KDM6A: variants seen among roughly 807,000 people sequenced by gnomAD.
KDM6A encodes lysine-specific demethylase 6A.
A neutral mutation model predicts 117.6 loss-of-function variants in KDM6A; 11 were observed. The observed-to-expected ratio is 0.09, with a 90% CI of 0.06 to 0.15. KDM6A has a LOEUF of 0.15. Ranked by LOEUF, KDM6A falls within the 10% of genes least tolerant of loss-of-function variation. KDM6A has a pLI of 1.00. For missense variants in KDM6A, 799 were observed against 1,077.3 expected (o/e 0.74, Z 3.62); for synonymous variants, 384 against 396.1 (o/e 0.97, Z 0.36).
chrX:45,036,558 T>C (rs938911875), intron 7 of KDM6A, among the ~76,000 whole-genome samples: 5 of 112,226 alleles, frequency 4.5e-5, no homozygotes, highest in Non-Finnish European at 9.4e-5. Context: ...GTTTCTAATA[T>C]AAGGTTAGAT....
intron 4 of KDM6A, among the ~76,000 whole-genome samples, chrX:45,003,390 CCTT>C (rs1474059492): frequency 7.6e-4 from 66 of 86,725 alleles, no homozygotes; most frequent in African/African-American, 3.2e-3. Context: ...GTTGAATTAT[CCTT>C]CTTTTTTTTT....
At chrX:45,051,933 G>A (rs2043873475) in intron 9 of KDM6A, 131 bp downstream of exon 9, 3 of 442,226 alleles carry the variant, frequency 6.8e-6, no homozygotes, top group Non-Finnish European at 1.2e-5. Flanking sequence ...TCTGAACCCA[G>A]CATATTTGTA....
intron 8 of KDM6A, among the ~76,000 whole-genome samples, chrX:45,041,617 C>T (rs769613571): frequency 3.0e-3 from 336 of 110,918 alleles, no homozygotes; most frequent in African/African-American, 0.011. Context: ...CCAGACAGGG[C>T]GGCGGGGCAG....
chrX:44,989,225 T>C (rs1429504827), intron 4 of KDM6A, among the ~76,000 whole-genome samples: 3 of 99,599 alleles, frequency 3.0e-5, no homozygotes, highest in African/African-American at 1.1e-4. Flanking sequence ...TATAATCTGG[T>C]ATGCCGTTTG....
chrX:45,042,999 A>G (rs2043346662), intron 8 of KDM6A, among the ~76,000 whole-genome samples: 1 of 112,859 alleles, frequency 8.9e-6, no homozygotes, highest in South Asian at 3.6e-4. Flanking sequence ...TGAAAGGCAA[A>G]AAGGTCGTGG....
intron 13 of KDM6A, 25 bp downstream of exon 13, chrX:45,060,181 A>T: frequency 8.3e-7 from 1 of 1,210,788 alleles, no homozygotes; most frequent in Non-Finnish European, 1.1e-6. Flanking sequence ...TATGTTCTGC[A>T]GGTGCCCAGC....
chrX:44,924,408 A>G (rs1303706579), intron 2 of KDM6A, among the ~76,000 whole-genome samples: 1 of 111,925 alleles, frequency 8.9e-6, no homozygotes, highest in Admixed American at 9.5e-5. Context: ...GATGCAGTTA[A>G]ATCACTTGGA....
In KDM6A at chrX:45,111,419, C is replaced by G; in HGVS notation, c.*8C>G. 1 of 1,184,054 alleles carries G rather than the reference C, an allele frequency of 8.4e-7. No homozygotes were observed. The highest frequency in any genetic ancestry group is 1.1e-6 in the Non-Finnish European group (1 of 871,189). ...CCATCCGCCTCATCTTGATATTGTT[C>G]CATGGACATTAAATGAGACCTTTTC... On this transcript the variant is annotated 3_prime_UTR_variant, in exon 30 of 30. Coordinates refer to ENST00000611820, the MANE Select transcript of KDM6A (RefSeq NM_001291415.2).
At chrX:44,936,725 C>T (rs369602413) in intron 2 of KDM6A, among the ~76,000 whole-genome samples, 2 of 112,135 alleles carry the variant, frequency 1.8e-5, no homozygotes, top group South Asian at 3.7e-4. Flanking sequence ...GTTTTACACG[C>T]ACTTTATATA....
chrX:44,990,366 C>T (rs1399095982), intron 4 of KDM6A, among the ~76,000 whole-genome samples: 3 of 110,131 alleles, frequency 2.7e-5, no homozygotes, highest in Non-Finnish European at 5.7e-5. Context: ...TGGTGAAACC[C>T]CGTTTCTACT....
At chrX:44,892,163 C>G (rs2033417559) in intron 2 of KDM6A, among the ~76,000 whole-genome samples, 1 of 112,416 alleles carries the variant, frequency 8.9e-6, no homozygotes, top group Non-Finnish European at 1.9e-5. Flanking sequence ...GTGAGTCTCA[C>G]CACTTTATTC....
intron 2 of KDM6A, among the ~76,000 whole-genome samples, chrX:44,903,364 C>G (rs773644330): frequency 8.9e-6 from 1 of 111,772 alleles, no homozygotes; most frequent in African/African-American, 3.3e-5. Context: ...TCACTTCTTT[C>G]GTGTTTTCAA....
intron 4 of KDM6A, among the ~76,000 whole-genome samples, chrX:44,980,751 A>G (rs1189950937): frequency 9.4e-6 from 1 of 106,315 alleles, no homozygotes; most frequent in Non-Finnish European, 1.9e-5. Flanking sequence ...AATAAAGAAA[A>G]TTTTATTTTT....
At chrX:45,066,199 A>G (rs1375774057) in intron 17 of KDM6A, among the ~76,000 whole-genome samples, 3 of 112,143 alleles carry the variant, frequency 2.7e-5, no homozygotes, top group African/African-American at 9.7e-5. Context: ...GTTGGGGTGC[A>G]AAAGCCTAAT....
At chrX:45,033,200 G>A (rs1025733957) in intron 6 of KDM6A, among the ~76,000 whole-genome samples, 1 of 111,736 alleles carries the variant, frequency 8.9e-6, no homozygotes, top group African/African-American at 3.3e-5. Context: ...TTGTCTAGAG[G>A]AAAGCAATTG....
At chrX:44,895,350 C>T (rs1344543442) in intron 2 of KDM6A, among the ~76,000 whole-genome samples, 1 of 107,616 alleles carries the variant, frequency 9.3e-6, no homozygotes, top group African/African-American at 3.4e-5. Flanking sequence ...AATCTCCTGA[C>T]CTCGTGATCT....
At chrX:44,947,665 C>T (rs935597521) in intron 2 of KDM6A, among the ~76,000 whole-genome samples, 4 of 111,699 alleles carry the variant, frequency 3.6e-5, no homozygotes, top group African/African-American at 1.3e-4. Flanking sequence ...TGTGAGCTAC[C>T]GCGCCCAGCC....
At chrX:44,887,212 G>A (rs763105701) in intron 2 of KDM6A, among the ~76,000 whole-genome samples, 6 of 111,047 alleles carry the variant, frequency 5.4e-5, no homozygotes, top group Admixed American at 9.7e-5. Flanking sequence ...GAGTCACCAT[G>A]CCCAGCCCAG....
At chrX:45,039,503 ATTTTTTT>A (rs756202597) in intron 8 of KDM6A, among the ~76,000 whole-genome samples, 11 of 61,255 alleles carry the variant, frequency 1.8e-4, no homozygotes, top group Non-Finnish European at 2.8e-4. Context: ...TCATTTGATA[ATTTTTTT>A]TTTTTTTTTT....
Sources: allele counts gnomAD v4.1 joint callset (sites outside exome capture counted in the v4.1 genomes callset), GRCh38; gene constraint gnomAD v4.1.1; transcripts MANE v1.5; gene names NCBI Gene and HGNC (gene_info 2026-07-23, HGNC 2026-07-21).